Variants in SLC71A2 observed in about 807,000 individuals in gnomAD.
SLC71A2 encodes the protein solute carrier family 71 member 2.
chr9:94,395,480 C>A, the SLC71A2 span, among the ~76,000 whole-genome samples: 2 of 151,994 alleles, frequency 1.3e-5, no homozygotes, highest in Non-Finnish European at 2.9e-5. Flanking sequence ...CTTAGCACAG[C>A]AGCTTAATGA....
the SLC71A2 span, among the ~76,000 whole-genome samples, chr9:94,409,206 G>A: frequency 1.6e-5 from 2 of 125,390 alleles, no homozygotes; most frequent in South Asian, 5.6e-4. Flanking sequence ...GTGGTATGAT[G>A]ATGGCTCATT....
the SLC71A2 span, chr9:94,451,399 TTTC>T: frequency 5.0e-5 from 43 of 854,976 alleles, 1 homozygote; most frequent in South Asian, 2.7e-4. Context: ...GAACATAATA[TTTC>T]TTATTATTTT....
chr9:94,417,957 A>G, the SLC71A2 span, among the ~76,000 whole-genome samples: 1 of 140,574 alleles, frequency 7.1e-6, no homozygotes, highest in Non-Finnish European at 1.5e-5. Flanking sequence ...CCCGGGTTCA[A>G]GCAATTCTCC....
chr9:94,394,952 C>T, the SLC71A2 span, among the ~76,000 whole-genome samples: 6 of 74,700 alleles, frequency 8.0e-5, no homozygotes, highest in Admixed American at 6.4e-4. Flanking sequence ...CTTGCTCTGT[C>T]GCCTAGGCTG....
the SLC71A2 span, chr9:94,459,040 T>G: frequency 9.2e-7 from 1 of 1,084,900 alleles, no homozygotes; most frequent in Non-Finnish European, 1.3e-6. Context: ...TAATGAAACA[T>G]TTGCTTATGA....
the SLC71A2 span, among the ~76,000 whole-genome samples, chr9:94,451,993 A>G: frequency 1.4e-4 from 21 of 152,134 alleles, no homozygotes; most frequent in Admixed American, 3.9e-4. Context: ...CTCCCCTTGC[A>G]CCAGCATCAT....
At chr9:94,387,279 C>T in the SLC71A2 span, among the ~76,000 whole-genome samples, 1 of 152,160 alleles carries the variant, frequency 6.6e-6, no homozygotes, top group Admixed American at 6.5e-5. Context: ...TTGAAATCTA[C>T]TGTTCTACTA....
the SLC71A2 span, among the ~76,000 whole-genome samples, chr9:94,390,463 A>G: frequency 8.6e-5 from 13 of 150,650 alleles, no homozygotes; most frequent in African/African-American, 2.9e-4. Flanking sequence ...TTAGAGAGGG[A>G]TATGTTTGTG....
At chr9:94,413,180 TAAAG>T in the SLC71A2 span, among the ~76,000 whole-genome samples, 1 of 151,560 alleles carries the variant, frequency 6.6e-6, no homozygotes, top group African/African-American at 2.4e-5. Context: ...TGGAAGAGCC[TAAAG>T]AAATGTGAGA....
the SLC71A2 span, among the ~76,000 whole-genome samples, chr9:94,385,741 G>T: frequency 6.6e-6 from 1 of 152,012 alleles, no homozygotes; most frequent in Admixed American, 6.6e-5. Context: ...ACACTGTTTT[G>T]ATCACTGTGG....
the SLC71A2 span, chr9:94,451,402 C>A: frequency 2.4e-5 from 21 of 869,084 alleles, no homozygotes; most frequent in Admixed American, 6.5e-5. Context: ...CATAATATTT[C>A]TTATTATTTT....
At chr9:94,459,406 G>A in the SLC71A2 span, 2 of 1,613,674 alleles carry the variant, frequency 1.2e-6, no homozygotes, top group Non-Finnish European at 1.7e-6. Flanking sequence ...AGTGCACTGA[G>A]CTGTAAACTC....
the SLC71A2 span, among the ~76,000 whole-genome samples, chr9:94,442,323 TTG>T: frequency 6.6e-6 from 1 of 152,142 alleles, no homozygotes; most frequent in Non-Finnish European, 1.5e-5. Context: ...AATTTTTAAC[TTG>T]TTGACTTTAG....
At chr9:94,440,092 T>G in the SLC71A2 span, among the ~76,000 whole-genome samples, 3 of 152,204 alleles carry the variant, frequency 2.0e-5, no homozygotes, top group Non-Finnish European at 4.4e-5. Flanking sequence ...TAAAAAACAT[T>G]AAGAGTACAT....
At chr9:94,438,404 C>A in the SLC71A2 span, 6 of 1,614,100 alleles carry the variant, frequency 3.7e-6, no homozygotes, top group Non-Finnish European at 5.1e-6. Context: ...TCTCCAGGGC[C>A]TGCTCTCTTT....
chr9:94,379,668 G>A, the SLC71A2 span, among the ~76,000 whole-genome samples: 1 of 152,050 alleles, frequency 6.6e-6, no homozygotes, highest in Non-Finnish European at 1.5e-5. Flanking sequence ...TGGGATTATA[G>A]GCATGAGCCA....
the SLC71A2 span, among the ~76,000 whole-genome samples, chr9:94,442,461 G>T: frequency 5.9e-5 from 9 of 152,126 alleles, no homozygotes; most frequent in Non-Finnish European, 1.3e-4. Flanking sequence ...GCCCTAAAAA[G>T]GGGCATCTTC....
the SLC71A2 span, among the ~76,000 whole-genome samples, chr9:94,389,479 G>T: frequency 1.3e-5 from 2 of 151,268 alleles, no homozygotes; most frequent in South Asian, 4.2e-4. Flanking sequence ...AGGCTTCACC[G>T]TGTTGGCCAG....
At chr9:94,415,829 A>G in the SLC71A2 span, among the ~76,000 whole-genome samples, 1 of 152,206 alleles carries the variant, frequency 6.6e-6, no homozygotes, top group African/African-American at 2.4e-5. Flanking sequence ...GGCTGGGTTC[A>G]TAACAGGCCA....
Sources: allele counts gnomAD v4.1 joint callset (sites outside exome capture counted in the v4.1 genomes callset), GRCh38; gene constraint gnomAD v4.1.1; transcripts MANE v1.5; gene names NCBI Gene and HGNC (gene_info 2026-07-23, HGNC 2026-07-21).